Variants in HSD17B3 observed in about 807,000 individuals in gnomAD.
The protein encoded by HSD17B3 is hydroxysteroid 17-beta dehydrogenase 3.
Under a neutral mutation model 41.1 loss-of-function variants are expected in HSD17B3, and 29 were observed. The observed-to-expected ratio is 0.71, with a 90% CI of 0.53 to 0.96. HSD17B3 has a LOEUF of 0.96. HSD17B3 is among the 40% of genes least tolerant of loss of function. The pLI, the probability that HSD17B3 is intolerant of heterozygous loss-of-function variation, is 0.00. For missense variants in HSD17B3, 323 were observed against 374.6 expected, an observed-to-expected ratio of 0.86 and a Z score of 1.14; for synonymous variants, 126 against 145.6, an observed-to-expected ratio of 0.87 and a Z score of 0.97.
chr9:96,301,657 G>A (rs1032715818), intron 1 of HSD17B3, among the ~76,000 whole-genome samples: 3 of 149,134 alleles, frequency 2.0e-5, no homozygotes, highest in African/African-American at 7.5e-5. Flanking sequence ...GTTGCAGTGA[G>A]CAGAGATCGC....
At chr9:96,245,148 G>A (rs143397904) in intron 8 of HSD17B3, among the ~76,000 whole-genome samples, 197 bp downstream of exon 8, 6 of 152,324 alleles carry the variant, frequency 3.9e-5, no homozygotes, top group South Asian at 2.1e-4. Context: ...GTTGTGCACC[G>A]CAGGGCTTCG....
chr9:96,265,968 C>T (rs941921587), intron 2 of HSD17B3, among the ~76,000 whole-genome samples: 4 of 152,134 alleles, frequency 2.6e-5, no homozygotes, highest in Non-Finnish European at 5.9e-5. Context: ...AGATGATGTT[C>T]CTTTGAAAGT....
At chr9:96,263,052 G>C (rs564839544) in intron 2 of HSD17B3, among the ~76,000 whole-genome samples, 1 of 152,330 alleles carries the variant, frequency 6.6e-6, no homozygotes, top group East Asian at 1.9e-4. Context: ...CAATACTGTA[G>C]TAACAAACTA....
chr9:96,244,980 C>G (rs919418284), intron 8 of HSD17B3, among the ~76,000 whole-genome samples: 1 of 152,090 alleles, frequency 6.6e-6, no homozygotes, highest in Non-Finnish European at 1.5e-5. Context: ...CCTTGTACAG[C>G]GCCCCCTCCT....
At chr9:96,298,360 C>T (rs1827444096) in intron 2 of HSD17B3, 56 bp downstream of exon 2, 2 of 1,374,766 alleles carry the variant, frequency 1.5e-6, no homozygotes, top group Admixed American at 3.3e-5. Flanking sequence ...GTGGATGTCT[C>T]AGGACTGTGA....
intron 2 of HSD17B3, among the ~76,000 whole-genome samples, chr9:96,265,026 T>C (rs1175983775): frequency 6.6e-6 from 1 of 152,220 alleles, no homozygotes; most frequent in Non-Finnish European, 1.5e-5. Context: ...AATATCACCC[T>C]AGAATATTTT....
chr9:96,241,117 A>C (rs1379271005), intron 9 of HSD17B3, among the ~76,000 whole-genome samples: 1 of 152,112 alleles, frequency 6.6e-6, no homozygotes, highest in African/African-American at 2.4e-5. Context: ...CCTAGCCAAC[A>C]TCAAGTGGCC....
chr9:96,285,047 C>G (rs1382077767), intron 2 of HSD17B3, among the ~76,000 whole-genome samples: 4 of 152,090 alleles, frequency 2.6e-5, no homozygotes, highest in Non-Finnish European at 5.9e-5. Context: ...CCATGTTGGC[C>G]AGGCTGGTCT....
At chr9:96,257,234 C>T (rs1192803577) in intron 2 of HSD17B3, among the ~76,000 whole-genome samples, 2 of 152,108 alleles carry the variant, frequency 1.3e-5, no homozygotes, top group South Asian at 2.1e-4. Context: ...TACACCATCC[C>T]GATAAAAATC....
intron 10 of HSD17B3, among the ~76,000 whole-genome samples, chr9:96,236,071 A>G (rs1394647520): frequency 6.6e-6 from 1 of 151,576 alleles, no homozygotes; most frequent in Non-Finnish European, 1.5e-5. Context: ...TGGCCTCCCA[A>G]AGTGTTGGGA....
At chr9:96,254,813 G>A in intron 3 of HSD17B3, 55 bp downstream of exon 3, 3 of 1,449,126 alleles carry the variant, frequency 2.1e-6, no homozygotes, top group South Asian at 2.3e-5. Context: ...CATGGTGGGA[G>A]CAGGCTTGGT....
intron 2 of HSD17B3, among the ~76,000 whole-genome samples, chr9:96,295,002 CTTTTTTT>C (rs10541572): frequency 1.5e-5 from 1 of 66,162 alleles, no homozygotes; most frequent in Admixed American, 1.8e-4. Flanking sequence ...ACACGAGGAG[CTTTTTTT>C]TTTTTTTTTT....
intron 2 of HSD17B3, among the ~76,000 whole-genome samples, chr9:96,267,454 G>A (rs754544525): frequency 6.6e-6 from 1 of 151,920 alleles, no homozygotes; most frequent in Non-Finnish European, 1.5e-5. Flanking sequence ...CACCGTGCCT[G>A]GCCAACCATT....
intron 2 of HSD17B3, among the ~76,000 whole-genome samples, chr9:96,270,000 T>C (rs1049556755): frequency 6.6e-6 from 1 of 151,844 alleles, no homozygotes; most frequent in African/African-American, 2.4e-5. Context: ...ACATATTATT[T>C]AGGCATACCT....
chr9:96,250,052 C>G (rs1307919752), intron 5 of HSD17B3: 42 of 1,412,930 alleles, frequency 3.0e-5, no homozygotes, highest in Non-Finnish European at 3.9e-5. Context: ...GAACTATATT[C>G]CTGGAGGAAT....
At position 96,287,485 on chromosome 9, in the gene HSD17B3, C is replaced by T. The variant is rs377604738; in HGVS notation, c.201+10931G>A. ...CAGCACTTTGGGAGGCCGAGGCAGG[C>T]GGATCACGAGGTCAGGAGATCAAGA... is the stretch of plus-strand genomic sequence containing the variant. On this transcript the variant is annotated intron_variant, in intron 2 of 10. Transcript: ENST00000375263. Among the ~76,000 whole-genome samples the T allele has an allele frequency of 1.0e-3, 158 of 151,934 alleles. 7 individuals carry two copies. In the South Asian group the frequency reaches 0.031, roughly 30 times the overall value.
At chr9:96,248,471 T>A (rs983077445) in intron 6 of HSD17B3, among the ~76,000 whole-genome samples, 1 of 152,358 alleles carries the variant, frequency 6.6e-6, no homozygotes, top group African/African-American at 2.4e-5. Context: ...TGGGTGAGAC[T>A]GAGCCTTCTG....
At chr9:96,289,823 C>T (rs1339870490) in intron 2 of HSD17B3, among the ~76,000 whole-genome samples, 1 of 152,096 alleles carries the variant, frequency 6.6e-6, no homozygotes, top group Non-Finnish European at 1.5e-5. Context: ...CAGGTTTTGC[C>T]ACCCCCTTTT....
At chr9:96,248,306 A>G (rs1490875275) in intron 6 of HSD17B3, among the ~76,000 whole-genome samples, 4 of 152,272 alleles carry the variant, frequency 2.6e-5, no homozygotes, top group African/African-American at 9.6e-5. Context: ...TGCTTATAGA[A>G]AAACAACCAA....
Sources: allele counts gnomAD v4.1 joint callset (sites outside exome capture counted in the v4.1 genomes callset), GRCh38; gene constraint gnomAD v4.1.1; transcripts MANE v1.5; gene names NCBI Gene and HGNC (gene_info 2026-07-23, HGNC 2026-07-21).